SH3PXD2B: variants seen among roughly 807,000 people sequenced by gnomAD.
The protein encoded by SH3PXD2B is SH3 and PX domains 2B, also known as SH3 and PX domain-containing protein 2B.
SH3PXD2B carries 37 observed loss-of-function variants against 73.1 expected under a neutral mutation model. The ratio of observed to expected loss-of-function variants is 0.51; its 90% CI spans 0.39 to 0.67. The LOEUF is 0.67. Ranked by LOEUF, SH3PXD2B falls within the 30% of genes least tolerant of loss-of-function variation. The probability of loss-of-function intolerance (pLI) is 0.00; values close to 1 mark genes in which losing one functional copy is unlikely to be tolerated. For missense variants in SH3PXD2B, 1,053 were observed against 1,197.8 expected (o/e 0.88, Z 1.78); for synonymous variants, 457 against 480.5 (o/e 0.95, Z 0.64).
At chr5:172,406,125 T>C (rs1035887086) in intron 3 of SH3PXD2B, 152 bp downstream of exon 3, 10 of 927,114 alleles carry the variant, frequency 1.1e-5, no homozygotes, top group African/African-American at 1.0e-4. Flanking sequence ...ACCTCCGGCA[T>C]AAATGGGTTA....
chr5:172,342,289 TC>T (rs777781090), intron 12 of SH3PXD2B, among the ~76,000 whole-genome samples: 2 of 152,264 alleles, frequency 1.3e-5, no homozygotes, highest in Non-Finnish European at 2.9e-5. Context: ...ACTCGGAAGA[TC>T]TGATGAACGC....
chr5:172,382,211 G>C, intron 4 of SH3PXD2B, 84 bp from the exon 5 acceptor site: 1 of 1,120,934 alleles, frequency 8.9e-7, no homozygotes, highest in South Asian at 1.6e-5. Flanking sequence ...AGCTACTCGG[G>C]AGGCTGAGGC....
chr5:172,376,244 G>A (rs1757818583), intron 5 of SH3PXD2B, among the ~76,000 whole-genome samples: 1 of 152,074 alleles, frequency 6.6e-6, no homozygotes, highest in African/African-American at 2.4e-5. Context: ...GGCCAGGCTG[G>A]TCTTGAAGTC....
chr5:172,396,176 A>G (rs968192304), intron 3 of SH3PXD2B, among the ~76,000 whole-genome samples: 2 of 147,468 alleles, frequency 1.4e-5, no homozygotes, highest in African/African-American at 2.5e-5. Context: ...AACATGGCAA[A>G]ACTCTGTCTC....
intron 1 of SH3PXD2B, among the ~76,000 whole-genome samples, chr5:172,453,911 C>T (rs1014969760): frequency 6.6e-6 from 1 of 152,170 alleles, no homozygotes; most frequent in Admixed American, 6.5e-5. Flanking sequence ...ACAGGCACTT[C>T]TGTCTCTCCC....
rs534903431 is a variant in SH3PXD2B at position 172,433,663 on chromosome 5, C to T, written c.76-11167G>A. ...TGGGGGTGGGAGAACACTGGCTCAC[C>T]GGCCGGGAAGCCAGCAGATGGGCCC... On this transcript the variant is annotated intron_variant, in intron 1 of 12. Coordinates refer to ENST00000311601, the MANE Select transcript of SH3PXD2B (RefSeq NM_001017995.3). Among the ~76,000 whole-genome samples the T allele has an allele frequency of 1.3e-3, 203 of 152,250 alleles. 1 individual carries two copies. The highest frequency in any genetic ancestry group is 4.6e-3 in the African/African-American group (191 of 41,552).
chr5:172,354,126 C>T (rs993158179), intron 8 of SH3PXD2B, 121 bp from the exon 9 acceptor site: 1 of 946,448 alleles, frequency 1.1e-6, no homozygotes, highest in Admixed American at 1.9e-5. Flanking sequence ...CTGGGCACCC[C>T]CCCTGGCCCT....
rs371447542 is a variant in SH3PXD2B, at chr5:172,338,529, G to A, written c.2576C>T (p.Ala859Val). The A allele has an allele frequency of 3.7e-6, 6 of 1,614,082 alleles. No individual in the cohort carries two copies. The African/African-American group carries it at 8.0e-5, about 22-fold the overall frequency. ...GGTGTCTTTGTCTCCTTCAAAGTCGGCCACGGCCACATACAAAGAGTCCTT... is the reference window on the plus strand; with the variant it reads ...GGTGTCTTTGTCTCCTTCAAAGTCGACCACGGCCACATACAAAGAGTCCTT... ...GLKDSLYVAV[A>V]DFEGDKDTSS... Residue 859 changes from alanine (A) to valine (V), a missense_variant, in exon 13 of 13, where the codon GCC (alanine) becomes GTC (valine). Physicochemically the swap from Ala to Val is moderately conservative, Grantham distance 64 (BLOSUM62 0). Around this residue, in one of 2 missense-constraint regions of SH3PXD2B, gnomAD observed 587 missense variants for 590.7 expected, o/e 0.99. Transcript: ENST00000311601. This position sits in a 1 kb window ranked among gnomAD's most constrained non-coding sequence, Gnocchi z 5.1.
rs751896270 is a variant in SH3PXD2B at position 172,382,012 on chromosome 5, G to C, written c.401+24C>G. 5 of 1,589,022 alleles carry C rather than the reference G, an allele frequency of 3.1e-6. No homozygotes were observed. The East Asian group carries it at 1.1e-4, about 36-fold the overall frequency. ...GAGGGAGGGCTGTGGGGCTCCATCT[G>C]GGGAAGCCCACAAACAAACTTACTC... On this transcript the variant is annotated intron_variant, in intron 5 of 12. Transcript: ENST00000311601.
At chr5:172,448,682 T>C (rs936583464) in intron 1 of SH3PXD2B, among the ~76,000 whole-genome samples, 2 of 152,248 alleles carry the variant, frequency 1.3e-5, no homozygotes, top group African/African-American at 4.8e-5. Flanking sequence ...ATTCCGTGCA[T>C]ACATCACCAA....
chr5:172,384,479 T>G (rs372074691), intron 4 of SH3PXD2B, among the ~76,000 whole-genome samples: 1 of 152,174 alleles, frequency 6.6e-6, no homozygotes, highest in Non-Finnish European at 1.5e-5. Context: ...CTATTCATCT[T>G]GCAAAACTGA....
Position 172,399,642 on chromosome 5 carries a change from T to C in SH3PXD2B, c.233-5003A>G, listed in dbSNP as rs190028813. 3.6e-4 allele frequency among the ~76,000 whole-genome samples: 55 copies of C among 152,304 alleles called. No homozygotes were observed. In the East Asian group the frequency reaches 8.9e-3, roughly 25 times the overall value. Reference sequence around the variant, plus strand: ...AGACCCATCTAACTAATTCCACTTTTCCTGATTGCCTTTCTTTTTCTCCTT... The same window carrying C: ...AGACCCATCTAACTAATTCCACTTTCCCTGATTGCCTTTCTTTTTCTCCTT... On this transcript the variant is annotated intron_variant, in intron 3 of 12. Coordinates refer to ENST00000311601, the MANE Select transcript of SH3PXD2B (RefSeq NM_001017995.3).
At chr5:172,435,121 A>C (rs1759343337) in intron 1 of SH3PXD2B, among the ~76,000 whole-genome samples, 1 of 152,178 alleles carries the variant, frequency 6.6e-6, no homozygotes. Flanking sequence ...AAGACCTCAG[A>C]ACAGGCGACA....
intron 5 of SH3PXD2B, among the ~76,000 whole-genome samples, chr5:172,379,208 G>C (rs1479309678): frequency 6.6e-6 from 1 of 151,296 alleles, no homozygotes; most frequent in African/African-American, 2.4e-5. Context: ...CCCCCGGATA[G>C]GATTAGCGCC....
intron 6 of SH3PXD2B, among the ~76,000 whole-genome samples, chr5:172,364,751 G>A (rs1205635781): frequency 6.6e-6 from 1 of 152,160 alleles, no homozygotes; most frequent in African/African-American, 2.4e-5. Flanking sequence ...AGCGCACAGA[G>A]CTGACTTTGT....
At chr5:172,382,220 G>GGCA in intron 4 of SH3PXD2B, 93 bp from the exon 5 acceptor site, 1 of 1,055,174 alleles carries the variant, frequency 9.5e-7, no homozygotes. Flanking sequence ...GGAGGCTGAG[G>GGCA]CAAGATAATT....
chr5:172,341,370 CGG>C (rs1756845227), intron 12 of SH3PXD2B, among the ~76,000 whole-genome samples: 1 of 152,090 alleles, frequency 6.6e-6, no homozygotes, highest in African/African-American at 2.4e-5. Flanking sequence ...GTTTGGGTCA[CGG>C]GGGCAGATCC....
Position 172,346,139 on chromosome 5 carries a change from G to T in SH3PXD2B, c.1185C>A (p.Val395=). Reference sequence around the variant, plus strand: ...AAGGAACACCAGGGCCACTCACCTCGACCTTCAGGCCTGCCTGGAAGCTGA... The same window carrying T: ...AAGGAACACCAGGGCCACTCACCTCTACCTTCAGGCCTGCCTGGAAGCTGA... ...DGISFQAGLK[V]EVIEKNLSGW... Residue 395 remains valine, a synonymous_variant, in exon 12 of 13, where the codon GTC becomes GTA. Transcript: ENST00000311601. The T allele has an allele frequency of 1.9e-6, 3 of 1,613,984 alleles. No individual in the cohort carries two copies. In the South Asian group the frequency reaches 3.3e-5, roughly 18 times the overall value.
At chr5:172,373,910 C>G (rs1366890909) in intron 5 of SH3PXD2B, 95 bp from the exon 6 acceptor site, 8 of 1,341,910 alleles carry the variant, frequency 6.0e-6, no homozygotes, top group African/African-American at 1.4e-5. Context: ...GATTCTCCAC[C>G]CCCCACAACA....
Sources: gnomAD v4.1 joint callset for allele counts (sites outside exome capture counted in the v4.1 genomes callset) on GRCh38, gnomAD v4.1.1 for gene constraint, gnomAD v4.1.1 regional missense constraint, Gnocchi (gnomAD v3.1) non-coding constraint, MANE v1.5 for transcripts, NCBI Gene and HGNC (gene_info 2026-07-23, HGNC 2026-07-21) for gene names.